Variants in ATP2B2 observed in about 807,000 individuals in gnomAD.
The protein encoded by ATP2B2 is ATPase plasma membrane Ca2+ transporting 2, also known as plasma membrane calcium-transporting ATPase 2.
A neutral mutation model predicts 120.0 loss-of-function variants in ATP2B2; 15 were observed. That is an observed-to-expected ratio of 0.12 (90% confidence interval 0.08 to 0.19). The LOEUF (loss-of-function observed/expected upper bound fraction) is 0.19. ATP2B2 is among the 10% of genes least tolerant of loss of function. The pLI is 1.00. For missense variants in ATP2B2, 1,045 were observed against 1,719.8 expected (o/e 0.61, Z 6.94); for synonymous variants, 694 against 700.3 (o/e 0.99, Z 0.14).
At chr3:10,496,943 C>A (rs946507435) in intron 1 of ATP2B2, among the ~76,000 whole-genome samples, 1 of 152,220 alleles carries the variant, frequency 6.6e-6, no homozygotes, top group Non-Finnish European at 1.5e-5. Context: ...GGGCCAGCCA[C>A]GGCTTTTGCT....
chr3:10,449,810 G>C lies in ATP2B2; in HGVS notation c.-267C>G. 3.8e-6 allele frequency: 2 copies of C among 529,920 alleles called. No homozygotes were observed. The highest frequency in any genetic ancestry group is 6.8e-6 in the Non-Finnish European group (2 of 292,188). The allele number at this position is 529,920 out of a possible 1,614,324, so 32.8% of individuals were successfully genotyped here. ...TAGACCCAGGAGTCTCCATTCAGTG[G>C]GGCCCATGCTGCTCCCTGGAACTGG... On this transcript the variant is annotated 5_prime_UTR_variant, in exon 2 of 23. Transcript: ENST00000360273.
intron 1 of ATP2B2, among the ~76,000 whole-genome samples, chr3:10,665,159 G>A (rs2070894779): frequency 6.6e-6 from 1 of 152,184 alleles, no homozygotes; most frequent in Non-Finnish European, 1.5e-5. Context: ...GCCCCCTGAA[G>A]CTTCCCTTTG....
chr3:10,616,330 G>C (rs2069385557), intron 2 of ATP2B2, among the ~76,000 whole-genome samples: 1 of 152,194 alleles, frequency 6.6e-6, no homozygotes, highest in African/African-American at 2.4e-5. Flanking sequence ...GACATATTCA[G>C]AAGGTGAGGA....
chr3:10,653,763 A>T (rs1004621322), intron 1 of ATP2B2, among the ~76,000 whole-genome samples: 4 of 152,096 alleles, frequency 2.6e-5, no homozygotes, highest in African/African-American at 9.7e-5. Context: ...AGGCTTAGTG[A>T]GAGTCTCCAG....
At position 10,386,926 on chromosome 3, in the gene ATP2B2, C is replaced by G. The variant is rs1148602; in HGVS notation, c.908-414G>C. 4.1e-3 allele frequency among the ~76,000 whole-genome samples: 629 copies of G among 152,318 alleles called. 5 individuals are homozygous for G. Among genetic ancestry groups the G allele is most frequent in the Middle Eastern group, 0.024 (7 of 294 alleles). On this transcript the variant is annotated intron_variant, in intron 6 of 22. Transcript: ENST00000360273. ...TTGTCTTCCTACTGGCATTTAAAAA[C>G]CACAGATCTGGCCCTGCTAGCATTT... is the stretch of plus-strand genomic sequence containing the variant.
chr3:10,499,924 G>C, intron 1 of ATP2B2, among the ~76,000 whole-genome samples: 1 of 150,260 alleles, frequency 6.7e-6, no homozygotes. Flanking sequence ...TGTGACTTGG[G>C]CACATTCTTT....
At chr3:10,373,662 T>G (rs1159369371) in intron 11 of ATP2B2, among the ~76,000 whole-genome samples, 1 of 152,240 alleles carries the variant, frequency 6.6e-6, no homozygotes, top group Admixed American at 6.5e-5. Context: ...TTAAGTACAT[T>G]ATTAAAATTA....
intron 3 of ATP2B2, among the ~76,000 whole-genome samples, chr3:10,527,799 G>A (rs909532009): frequency 9.9e-5 from 15 of 152,206 alleles, no homozygotes; most frequent in African/African-American, 3.1e-4. Context: ...TTCAGGCCAC[G>A]GACACAAGTA....
chr3:10,690,478 A>G (rs2071637433), intron 1 of ATP2B2, among the ~76,000 whole-genome samples: 4 of 151,834 alleles, frequency 2.6e-5, no homozygotes, highest in Admixed American at 2.6e-4. Flanking sequence ...CTATCTATCT[A>G]TATATCTCCT....
chr3:10,572,794 C>G (rs1444714248), intron 2 of ATP2B2, among the ~76,000 whole-genome samples: 1 of 152,158 alleles, frequency 6.6e-6, no homozygotes, highest in East Asian at 1.9e-4. Flanking sequence ...GACTTCTTGG[C>G]AGTGTCTAAC....
intron 1 of ATP2B2, among the ~76,000 whole-genome samples, chr3:10,653,323 T>C (rs994954455): frequency 6.6e-6 from 1 of 152,098 alleles, no homozygotes; most frequent in African/African-American, 2.4e-5. Flanking sequence ...CCTGGAAACA[T>C]TGTTTCCAAG....
intron 2 of ATP2B2, among the ~76,000 whole-genome samples, chr3:10,424,239 A>T (rs564186265): frequency 6.6e-6 from 1 of 152,336 alleles, no homozygotes; most frequent in South Asian, 2.1e-4. Context: ...GGACTGAGGC[A>T]CAGAGAGATA....
chr3:10,400,889 G>C (rs964357794), intron 5 of ATP2B2, 64 bp downstream of exon 5: 12 of 1,609,530 alleles, frequency 7.5e-6, no homozygotes, highest in African/African-American at 1.3e-5. Context: ...CCTCATGAAG[G>C]GGACACACAG....
intron 1 of ATP2B2, among the ~76,000 whole-genome samples, chr3:10,474,244 G>A (rs1457240814): frequency 6.6e-6 from 1 of 152,092 alleles, no homozygotes; most frequent in Non-Finnish European, 1.5e-5. Flanking sequence ...TTTGGGGGTG[G>A]GTGGAGAAGG....
At chr3:10,493,815 C>T (rs900993852) in intron 1 of ATP2B2, among the ~76,000 whole-genome samples, 1 of 152,060 alleles carries the variant, frequency 6.6e-6, no homozygotes, top group African/African-American at 2.4e-5. Flanking sequence ...CAGGAGCTTA[C>T]AACAAAGAGA....
chr3:10,587,748 TTTG>T (rs1223193204), intron 2 of ATP2B2, among the ~76,000 whole-genome samples: 11 of 27,250 alleles, frequency 4.0e-4, no homozygotes, highest in East Asian at 0.053. Context: ...TTCTGGTTTT[TTTG>T]TTTGTTTGTT....
chr3:10,564,263 A>G (rs1367578324), intron 2 of ATP2B2, among the ~76,000 whole-genome samples: 3 of 152,130 alleles, frequency 2.0e-5, no homozygotes, highest in Non-Finnish European at 2.9e-5. Context: ...GGGCTGTCCT[A>G]TTTGGCTTCA....
intron 3 of ATP2B2, among the ~76,000 whole-genome samples, chr3:10,409,285 T>C (rs1308777154): frequency 6.6e-6 from 1 of 152,246 alleles, no homozygotes; most frequent in Admixed American, 6.5e-5. Flanking sequence ...AAGAGAAATG[T>C]CATCTTCCTA....
chr3:10,652,844 A>AG (rs2125668695), intron 1 of ATP2B2, among the ~76,000 whole-genome samples: 1 of 152,346 alleles, frequency 6.6e-6, no homozygotes, highest in African/African-American at 2.4e-5. Context: ...GCCGGTCGCA[A>AG]GAGGACAAAT....
Sources: allele counts gnomAD v4.1 joint callset (sites outside exome capture counted in the v4.1 genomes callset), GRCh38; gene constraint gnomAD v4.1.1; transcripts MANE v1.5; gene names NCBI Gene and HGNC (gene_info 2026-07-23, HGNC 2026-07-21).